PLPPR1: variants seen among roughly 807,000 people sequenced by gnomAD.
PLPPR1 encodes the protein phospholipid phosphatase-related protein type 1.
PLPPR1 carries 10 observed loss-of-function variants against 33.1 expected under a neutral mutation model. The observed-to-expected ratio is 0.30, with a 90% CI of 0.19 to 0.51. The LOEUF (loss-of-function observed/expected upper bound fraction) is 0.51, where lower values mean the gene tolerates loss of function less well. Among genes scored for constraint, PLPPR1 ranks in the 20% least tolerant of loss-of-function variants. The pLI, the probability that PLPPR1 is intolerant of heterozygous loss-of-function variation, is 0.97. For synonymous variants in PLPPR1, 151 were observed against 151.0 expected (o/e 1.00, Z 0.00); for missense variants, 304 against 408.1 (o/e 0.74, Z 2.20).
chr9:101,133,285 A>C (rs539704603), intron 1 of PLPPR1, among the ~76,000 whole-genome samples: 1 of 152,230 alleles, frequency 6.6e-6, no homozygotes, highest in African/African-American at 2.4e-5. Context: ...TGCTGGGAAG[A>C]ATATAGATCT....
At chr9:101,149,977 T>A (rs1259697667) in intron 1 of PLPPR1, among the ~76,000 whole-genome samples, 1 of 152,184 alleles carries the variant, frequency 6.6e-6, no homozygotes. Flanking sequence ...AATGTTAATA[T>A]CTTCGTTTTT....
intron 1 of PLPPR1, among the ~76,000 whole-genome samples, chr9:101,052,915 C>A (rs1830240596): frequency 6.6e-6 from 1 of 152,182 alleles, no homozygotes; most frequent in African/African-American, 2.4e-5. Context: ...GCAATGGTCA[C>A]CTGTATTTCG....
intron 1 of PLPPR1, among the ~76,000 whole-genome samples, chr9:101,086,121 A>T (rs1041224660): frequency 6.6e-6 from 1 of 152,172 alleles, no homozygotes; most frequent in South Asian, 2.1e-4. Flanking sequence ...TATTGATATG[A>T]TGACTATGTT....
chr9:101,317,582 A>G, intron 7 of PLPPR1, 86 bp downstream of exon 7: 1 of 1,286,638 alleles, frequency 7.8e-7, no homozygotes, highest in Non-Finnish European at 1.1e-6. Context: ...CACTTAATCT[A>G]CCCAGCATCA....
chr9:101,276,667 T>C (rs1403202104), intron 3 of PLPPR1, among the ~76,000 whole-genome samples: 1 of 152,252 alleles, frequency 6.6e-6, no homozygotes, highest in Non-Finnish European at 1.5e-5. Context: ...TTGTATTCAC[T>C]GTTCAGATAA....
In PLPPR1 at chr9:101,065,817, TA is replaced by T. The variant is rs900627839; in HGVS notation, c.-46+36723del. Among the ~76,000 whole-genome samples the T allele has an allele frequency of 7.1e-4, 108 of 152,058 alleles. 1 individual carries two copies. The highest frequency in any genetic ancestry group is 2.5e-3 in the African/African-American group (103 of 41,518). On this transcript the variant is annotated intron_variant, in intron 1 of 7. Coordinates refer to ENST00000374874, the MANE Select transcript of PLPPR1 (RefSeq NM_207299.2). ...GACCTTAAGCAAGGATTCATTGACT[TA>T]AAAAAAACTTTTTATTTCAAAGCAG...
intron 2 of PLPPR1, among the ~76,000 whole-genome samples, chr9:101,206,434 C>A (rs1242877103): frequency 1.3e-5 from 2 of 152,120 alleles, no homozygotes; most frequent in Non-Finnish European, 2.9e-5. Flanking sequence ...ATCTATTAAC[C>A]CTAGACTCCA....
rs753350173 is a variant in PLPPR1 at position 101,286,090 on chromosome 9, C to T, written c.253-14C>T. The T allele has an allele frequency of 5.0e-6, 8 of 1,607,280 alleles. No individual in the cohort carries two copies. Among genetic ancestry groups the T allele is most frequent in the East Asian group, 2.2e-5 (1 of 44,838 alleles). ...GATCTCCAACTTGACATTTCTTAAA[C>T]ATTCCTTCCCTAGATTTTTATTGGT... is the stretch of plus-strand genomic sequence containing the variant. On this transcript the variant is annotated splice_polypyrimidine_tract_variant and intron_variant, in intron 3 of 7. Coordinates refer to ENST00000374874, the MANE Select transcript of PLPPR1 (RefSeq NM_207299.2).
At chr9:101,312,523 C>T (rs773447257) in intron 5 of PLPPR1, among the ~76,000 whole-genome samples, 2 of 152,256 alleles carry the variant, frequency 1.3e-5, no homozygotes, top group African/African-American at 2.4e-5. Context: ...ATCGTTAATG[C>T]GTTCTTTGTG....
chr9:101,298,534 A>C (rs1357068418), intron 4 of PLPPR1, among the ~76,000 whole-genome samples: 1 of 152,200 alleles, frequency 6.6e-6, no homozygotes, highest in Non-Finnish European at 1.5e-5. Context: ...CTCGATTTTG[A>C]AAGTCATTTA....
At chr9:101,171,152 A>C (rs1206274787) in intron 1 of PLPPR1, among the ~76,000 whole-genome samples, 1 of 152,136 alleles carries the variant, frequency 6.6e-6, no homozygotes, top group Non-Finnish European at 1.5e-5. Flanking sequence ...TAAATAGGGC[A>C]GCTGAGTCCT....
chr9:101,238,212 C>A (rs1827362737), intron 2 of PLPPR1, among the ~76,000 whole-genome samples: 2 of 132,016 alleles, frequency 1.5e-5, no homozygotes, highest in African/African-American at 2.8e-5. Context: ...ATATATATAC[C>A]TATATATATA....
intron 4 of PLPPR1, among the ~76,000 whole-genome samples, chr9:101,291,948 T>C (rs1271307846): frequency 6.6e-6 from 1 of 152,158 alleles, no homozygotes; most frequent in Non-Finnish European, 1.5e-5. Context: ...GGAGAATGAC[T>C]TTGACGAGTT....
chr9:101,200,710 C>G (rs1007123744), intron 2 of PLPPR1, among the ~76,000 whole-genome samples: 5 of 152,138 alleles, frequency 3.3e-5, no homozygotes, highest in African/African-American at 1.2e-4. Flanking sequence ...TCCTACCCAA[C>G]CAACGCATTT....
At chr9:101,080,574 A>G (rs1167895788) in intron 1 of PLPPR1, among the ~76,000 whole-genome samples, 2 of 152,158 alleles carry the variant, frequency 1.3e-5, no homozygotes, top group East Asian at 3.8e-4. Flanking sequence ...ACCCCCACCA[A>G]AACAACAACA....
At chr9:101,211,836 G>A (rs1564176928) in intron 2 of PLPPR1, among the ~76,000 whole-genome samples, 1 of 152,116 alleles carries the variant, frequency 6.6e-6, no homozygotes, top group Non-Finnish European at 1.5e-5. Context: ...ATCAGGCACC[G>A]AGCTAAGTAT....
chr9:101,145,539 G>A (rs926536588), intron 1 of PLPPR1, among the ~76,000 whole-genome samples: 37 of 151,806 alleles, frequency 2.4e-4, no homozygotes, highest in Non-Finnish European at 4.0e-4. Flanking sequence ...CTGCCACCAC[G>A]CCCAGCTAAT....
At chr9:101,128,684 C>A (rs912517526) in intron 1 of PLPPR1, among the ~76,000 whole-genome samples, 5 of 152,168 alleles carry the variant, frequency 3.3e-5, no homozygotes, top group Non-Finnish European at 4.4e-5. Context: ...CTGCCTAAAT[C>A]CATGTAATCT....
At chr9:101,249,856 C>T (rs2118863509) in intron 2 of PLPPR1, among the ~76,000 whole-genome samples, 1 of 152,138 alleles carries the variant, frequency 6.6e-6, no homozygotes, top group East Asian at 1.9e-4. Context: ...GTAGCTGGCA[C>T]ATCTCTTCTC....
Sources: gnomAD v4.1 joint callset for allele counts (sites outside exome capture counted in the v4.1 genomes callset) on GRCh38, gnomAD v4.1.1 for gene constraint, MANE v1.5 for transcripts, NCBI Gene and HGNC (gene_info 2026-07-23, HGNC 2026-07-21) for gene names.